Variants in TLN1 observed in about 807,000 individuals in gnomAD.
The protein encoded by TLN1 is talin 1, also known as talin-1.
A neutral mutation model predicts 292.3 loss-of-function variants in TLN1; 56 were observed. That is an observed-to-expected ratio of 0.19 (90% CI 0.15 to 0.24). The LOEUF (loss-of-function observed/expected upper bound fraction) is 0.24, where lower values mean the gene tolerates loss of function less well. Among genes scored for constraint, TLN1 ranks in the 10% least tolerant of loss-of-function variants. The probability of loss-of-function intolerance (pLI) is 1.00; values close to 1 mark genes in which losing one functional copy is unlikely to be tolerated. For synonymous variants in TLN1, 1,119 were observed against 1,253.7 expected, an observed-to-expected ratio of 0.89 and a Z score of 2.27; for missense variants, 2,433 against 3,248.2, an observed-to-expected ratio of 0.75 and a Z score of 6.10.
chr9:35,711,629 A>T lies in TLN1; in HGVS notation c.3845T>A (p.Leu1282Gln). ...GRFGQDFSTFLEAGVEMAGQA... is the reference protein window; with the variant it reads ...GRFGQDFSTFQEAGVEMAGQA... ...GCCTGCCATCTCCACACCAGCTTCCAGGAAGGTGCTGAAGTCCTGTCCAAA... is the reference window on the plus strand; with the variant it reads ...GCCTGCCATCTCCACACCAGCTTCCTGGAAGGTGCTGAAGTCCTGTCCAAA... Residue 1282 changes from leucine (L) to glutamine (Q), a missense_variant, in exon 29 of 57, where the codon CTG becomes CAG. Coordinates refer to ENST00000314888, the MANE Select transcript of TLN1 (RefSeq NM_006289.4). 1.2e-6 allele frequency: 2 copies of T among 1,614,018 alleles called. No homozygotes were observed. The highest frequency in any genetic ancestry group is 1.7e-6 in the Non-Finnish European group (2 of 1,180,006).
chr9:35,698,485 G>C lies in TLN1; in HGVS notation c.7209C>G (p.Ala2403=), dbSNP rs746940026. ...TGGCTGCCTCACACAGATTGTTGGT[G>C]GCCGCAGCCACCATCCGGGCCTAAA... ...LISAARMVAA[A]TNNLCEAANA... Residue 2403 remains alanine, a synonymous_variant, in exon 55 of 57, where the codon GCC becomes GCG. Transcript: ENST00000314888. The surrounding 1 kb of genome is among the most constrained non-coding windows in gnomAD (Gnocchi z 5.3). The C allele has an allele frequency of 1.3e-5, 21 of 1,613,914 alleles. No homozygotes were observed. In the East Asian group the frequency reaches 4.5e-4, roughly 34 times the overall value.
At chr9:35,722,390 T>A (rs1176296460) in intron 8 of TLN1, among the ~76,000 whole-genome samples, 167 bp from the exon 9 acceptor site, 5 of 152,202 alleles carry the variant, frequency 3.3e-5, no homozygotes, top group Non-Finnish European at 1.5e-5. Flanking sequence ...ATAAGGGCTA[T>A]GCAGAAGCGA....
In TLN1 at chr9:35,720,100, A is replaced by G; in HGVS notation, c.1403T>C (p.Met468Thr). 5.6e-6 allele frequency: 9 copies of G among 1,611,366 alleles called. No homozygotes were observed. Among genetic ancestry groups the G allele is most frequent in the Non-Finnish European group, 7.6e-6 (9 of 1,178,728 alleles). The change falls in exon 13 of 57, where the codon ATG becomes ACG. Residue 468 changes from methionine (M) to threonine (T), a missense_variant. This residue lies in a region of TLN1 where 617 missense variants were observed against 770.6 expected (regional missense o/e 0.80). Transcript: ENST00000314888. ...GGTAATCTGCTGCTGGGCAGGGGGCATGCTGCCCACCTGGAAATTCTCAGG... is the reference window on the plus strand; with the variant it reads ...GGTAATCTGCTGCTGGGCAGGGGGCGTGCTGCCCACCTGGAAATTCTCAGG... Reference protein sequence around the residue: ...SGPENFQVGSMPPAQQQITSG... With the variant: ...SGPENFQVGSTPPAQQQITSG...
intron 7 of TLN1, 57 bp from the exon 8 acceptor site, chr9:35,722,978 C>T: frequency 6.5e-7 from 1 of 1,532,700 alleles, no homozygotes; most frequent in Non-Finnish European, 9.0e-7. Flanking sequence ...GACATGTGGG[C>T]CATGAACTGT....
Position 35,719,018 on chromosome 9 carries a change from C to G in TLN1, c.1896+56G>C, listed in dbSNP as rs985885041. ...TTCCATCCTGTGGCTTGGACTGCCC[C>G]TTCTCCTTGGGCTTGAACCCTGTCT... On this transcript the variant is annotated intron_variant, in intron 16 of 56. Coordinates refer to ENST00000314888, the MANE Select transcript of TLN1 (RefSeq NM_006289.4). The surrounding 1 kb of genome is among the most constrained non-coding windows in gnomAD (Gnocchi z 4.6). 2 of 1,597,806 alleles carry G rather than the reference C, an allele frequency of 1.3e-6. No individual in the cohort carries two copies. Among genetic ancestry groups the G allele is most frequent in the Non-Finnish European group, 1.7e-6 (2 of 1,168,876 alleles).
intron 2 of TLN1, 61 bp from the exon 3 acceptor site, chr9:35,725,382 T>C (rs912724902): frequency 1.3e-6 from 2 of 1,573,128 alleles, no homozygotes; most frequent in Non-Finnish European, 1.7e-6. Flanking sequence ...GAACAGCTTG[T>C]ACCATGTTGC....
In TLN1 at chr9:35,731,186, AAAG is replaced by A. The variant is rs139155405; in HGVS notation, c.-34+886_-34+888del. Among the ~76,000 whole-genome samples the A allele has an allele frequency of 7.6e-3, 1,159 of 152,302 alleles. 16 individuals carry two copies. Among genetic ancestry groups the A allele is most frequent in the African/African-American group, 0.026 (1,073 of 41,548 alleles). ...CATAGGAATAAAGGATTTCCCTACA[AAAG>A]AAGGGCATTTACCTACTGCCAACCT... is the stretch of plus-strand genomic sequence containing the variant. On this transcript the variant is annotated intron_variant, in intron 1 of 56. Transcript: ENST00000314888.
In TLN1 at chr9:35,704,481, A is replaced by G; in HGVS notation, c.5898T>C (p.Ala1966=). ...TGCCACGATTCCCAGCCTGGAGCGCAGCCAGGACGTGGGAGACCTGGGTAG... is the reference window on the plus strand; with the variant it reads ...TGCCACGATTCCCAGCCTGGAGCGCGGCCAGGACGTGGGAGACCTGGGTAG... ...RVSEKVSHVL[A]ALQAGNRGTQ... The change falls in exon 45 of 57, where the codon GCT becomes GCC. Residue 1966 remains alanine, a synonymous_variant. Coordinates refer to ENST00000314888, the MANE Select transcript of TLN1 (RefSeq NM_006289.4). The surrounding 1 kb of genome is among the most constrained non-coding windows in gnomAD (Gnocchi z 6.9). The G allele has an allele frequency of 1.2e-6, 2 of 1,611,348 alleles. No homozygotes were observed. The highest frequency in any genetic ancestry group is 1.7e-6 in the Non-Finnish European group (2 of 1,178,286).
At position 35,717,593 on chromosome 9, in the gene TLN1, G is replaced by T; in HGVS notation, c.2163+26C>A. ...GTGTGGTAGTATTACCCCTCAGCAC[G>T]GACTAGAGCAACCTTTGGGGCTCAC... On this transcript the variant is annotated intron_variant, in intron 18 of 56. Coordinates refer to ENST00000314888, the MANE Select transcript of TLN1 (RefSeq NM_006289.4). The surrounding 1 kb of genome is among the most constrained non-coding windows in gnomAD (Gnocchi z 4.7). 6.3e-7 allele frequency: 1 copy of T among 1,597,646 alleles called. No homozygotes were observed. The highest frequency in any genetic ancestry group is 8.6e-7 in the Non-Finnish European group (1 of 1,166,826).
chr9:35,697,718 G>C lies in TLN1; in HGVS notation c.*73C>G, dbSNP rs1478626589. ...GCTGGGGTTGGGCAGGTTGGGCCCC[G>C]ACAGCCCAGAAGGCTTTGGTAGTGG... On this transcript the variant is annotated 3_prime_UTR_variant, in exon 57 of 57. Transcript: ENST00000314888. 2.5e-6 allele frequency: 4 copies of C among 1,578,060 alleles called. No individual in the cohort carries two copies. Among genetic ancestry groups the C allele is most frequent in the East Asian group, 4.5e-5 (2 of 44,542 alleles).
At position 35,706,269 on chromosome 9, in the gene TLN1, T is replaced by A; in HGVS notation, c.5288A>T (p.Asp1763Val). ...LSHPQQMALL[D>V]QTKTLAESAL... ...AGACTCTGCCAATGTTTTAGTCTGG[T>A]CCAGGAGTGCCATCTGCTGCGGGTG... The change falls in exon 40 of 57, where the codon GAC becomes GTC. Residue 1763 changes from aspartate to valine, a missense_variant. Asp to Val is a radical substitution (Grantham distance 152). Transcript: ENST00000314888. This position sits in a 1 kb window ranked among gnomAD's most constrained non-coding sequence, Gnocchi z 4.2. 2 of 1,613,830 alleles carry A rather than the reference T, an allele frequency of 1.2e-6. No individual in the cohort carries two copies. Among genetic ancestry groups the A allele is most frequent in the Non-Finnish European group, 1.7e-6 (2 of 1,179,808 alleles).
intron 56 of TLN1, 41 bp from the exon 57 acceptor site, chr9:35,697,957 C>T (rs1646489299): frequency 6.2e-7 from 1 of 1,613,774 alleles, no homozygotes; most frequent in African/African-American, 1.3e-5. Flanking sequence ...TGAGGATGCA[C>T]AGCAGGGGCA....
At chr9:35,718,110 G>A (rs534416725) in intron 17 of TLN1, among the ~76,000 whole-genome samples, 1 of 152,220 alleles carries the variant, frequency 6.6e-6, no homozygotes, top group African/African-American at 2.4e-5. Flanking sequence ...TATCTCCTGG[G>A]ATCCCTCCAC....
rs781604519 is a variant in TLN1 at position 35,699,008 on chromosome 9, G to C, written c.6999+24C>G. 1.9e-6 allele frequency: 3 copies of C among 1,608,634 alleles called. No homozygotes were observed. The highest frequency in any genetic ancestry group is 2.6e-6 in the Non-Finnish European group (3 of 1,175,430). ...TGGGGACACTGCCATGGTGAGGGTG[G>C]AAGAGGAAGGGAGCAGGACTGACCT... On this transcript the variant is annotated intron_variant, in intron 52 of 56. Transcript: ENST00000314888. This position sits in a 1 kb window ranked among gnomAD's most constrained non-coding sequence, Gnocchi z 4.0.
At chr9:35,703,706 G>A in intron 47 of TLN1, 30 bp from the exon 48 acceptor site, 1 of 1,614,142 alleles carries the variant, frequency 6.2e-7, no homozygotes, top group Non-Finnish European at 8.5e-7. Context: ...GAAGAGGAAT[G>A]ATTTTAAGGA....
At position 35,724,488 on chromosome 9, in the gene TLN1, A is replaced by G; in HGVS notation, c.511+84T>C. 1.9e-6 allele frequency: 3 copies of G among 1,574,696 alleles called. No homozygotes were observed. The South Asian group carries it at 3.5e-5, about 18-fold the overall frequency. ...CTCACTGATGTATCCCCAGGGTGTA[A>G]AACAGTGCCTGGCAGAAGCAGATGC... On this transcript the variant is annotated intron_variant, in intron 5 of 56. Transcript: ENST00000314888. The surrounding 1 kb of genome is among the most constrained non-coding windows in gnomAD (Gnocchi z 4.7).
At position 35,719,065 on chromosome 9, in the gene TLN1, GC is replaced by G; in HGVS notation, c.1896+8del. Reference sequence around the variant, plus strand: ...GTCTCCACCCTAACCCAAACCTGTGGCCCCTGACCTCAGCACTGGCTGGTTG... The same window carrying G: ...GTCTCCACCCTAACCCAAACCTGTGGCCCTGACCTCAGCACTGGCTGGTTG... On this transcript the variant is annotated splice_region_variant and intron_variant, in intron 16 of 56. Coordinates refer to ENST00000314888, the MANE Select transcript of TLN1 (RefSeq NM_006289.4). The surrounding 1 kb of genome is among the most constrained non-coding windows in gnomAD (Gnocchi z 4.6). 6.2e-7 allele frequency: 1 copy of G among 1,608,378 alleles called. No individual in the cohort carries two copies. Among genetic ancestry groups the G allele is most frequent in the Non-Finnish European group, 8.5e-7 (1 of 1,176,566 alleles).
chr9:35,725,463 A>G (rs140558366), intron 2 of TLN1, 102 bp downstream of exon 2: 1 of 1,548,592 alleles, frequency 6.5e-7, no homozygotes, highest in Non-Finnish European at 8.8e-7. Context: ...CTGAGGGGTG[A>G]GTAGTCTTAG....
Position 35,717,701 on chromosome 9 carries a change from T to C in TLN1, c.2081A>G (p.Glu694Gly), listed in dbSNP as rs1204141309. Residue 694 changes from glutamate (E) to glycine (G), a missense_variant, in exon 18 of 57, where the codon GAG becomes GGG. By Grantham distance (98) the Glu-to-Gly change is moderately conservative. Around this residue, in one of 7 missense-constraint regions of TLN1, gnomAD observed 617 missense variants for 770.6 expected, o/e 0.80. Coordinates refer to ENST00000314888, the MANE Select transcript of TLN1 (RefSeq NM_006289.4). The surrounding 1 kb of genome is among the most constrained non-coding windows in gnomAD (Gnocchi z 4.7). ...LKAKSVAQRT[E>G]DSGLQTQVIA... ...AACTTGGGTCTGAAGTCCCGAGTCC[T>C]CTGTCCGCTGGGCCACACTCTTGGC... The C allele has an allele frequency of 6.2e-7, 1 of 1,614,076 alleles. No individual in the cohort carries two copies.
Sources: allele counts gnomAD v4.1 joint callset (sites outside exome capture counted in the v4.1 genomes callset), GRCh38; gene constraint gnomAD v4.1.1; regional missense constraint gnomAD v4.1.1; non-coding constraint Gnocchi (gnomAD v3.1); transcripts MANE v1.5; gene names NCBI Gene and HGNC (gene_info 2026-07-23, HGNC 2026-07-21).